SKI: variants seen among roughly 807,000 people sequenced by gnomAD.
SKI encodes SKI proto-oncogene.
In SKI, 23 loss-of-function variants were observed where a neutral mutation model predicts 59.3. The observed-to-expected ratio is 0.39, with a 90% CI of 0.28 to 0.55. The LOEUF (loss-of-function observed/expected upper bound fraction) is 0.55, where lower values mean the gene tolerates loss of function less well. SKI is among the 20% of genes least tolerant of loss of function. SKI has a pLI of 0.67. For synonymous variants in SKI, 673 were observed against 488.6 expected (o/e 1.38, Z -4.98); for missense variants, 1,017 against 1,038.9 (o/e 0.98, Z 0.29).
chr1:2,301,333 A>T (rs1005241147), intron 1 of SKI, among the ~76,000 whole-genome samples: 9 of 152,086 alleles, frequency 5.9e-5, no homozygotes, highest in African/African-American at 1.2e-4. Flanking sequence ...TTTCCTGAAC[A>T]GCTATTTTAG....
At position 2,303,411 on chromosome 1, in the gene SKI, G is replaced by T; in HGVS notation, c.1211+11G>T. The T allele has an allele frequency of 6.3e-7, 1 of 1,595,886 alleles. No individual in the cohort carries two copies. ...CCTCATCCGAGACAGGTGAGTGGGC[G>T]CCATTCACAGGTGTTTCTGATCACG... On this transcript the variant is annotated intron_variant, in intron 3 of 6. Transcript: ENST00000378536. The surrounding 1 kb of genome is among the most constrained non-coding windows in gnomAD (Gnocchi z 5.6).
intron 1 of SKI, among the ~76,000 whole-genome samples, chr1:2,234,169 C>T (rs1425099295): frequency 1.3e-5 from 2 of 152,156 alleles, no homozygotes; most frequent in Non-Finnish European, 1.5e-5. Flanking sequence ...TGAGTCTTCT[C>T]AAGCAGGGGA....
intron 1 of SKI, among the ~76,000 whole-genome samples, chr1:2,280,534 C>T (rs546570658): frequency 2.8e-4 from 43 of 152,238 alleles, no homozygotes; most frequent in South Asian, 1.2e-3. Flanking sequence ...TTCCCTTACC[C>T]GCCACACACC....
chr1:2,296,705 T>C (rs563586275), intron 1 of SKI, among the ~76,000 whole-genome samples: 3 of 152,296 alleles, frequency 2.0e-5, no homozygotes, highest in African/African-American at 7.2e-5. Flanking sequence ...TGGTGTCCTT[T>C]GAAGCACAAA....
At chr1:2,230,203 C>T (rs922328019) in intron 1 of SKI, among the ~76,000 whole-genome samples, 1 of 152,248 alleles carries the variant, frequency 6.6e-6, no homozygotes, top group Non-Finnish European at 1.5e-5. Flanking sequence ...CGGAGGGCTG[C>T]CTGCCTTTGG....
chr1:2,246,436 A>C (rs894005823), intron 1 of SKI, among the ~76,000 whole-genome samples: 2 of 152,050 alleles, frequency 1.3e-5, no homozygotes, highest in African/African-American at 2.4e-5. Context: ...TTCTACTTGT[A>C]AATTTCTGTC....
Position 2,303,185 on chromosome 1 carries a change from A to T in SKI, c.1095+82A>T. On this transcript the variant is annotated intron_variant, in intron 2 of 6. Coordinates refer to ENST00000378536, the MANE Select transcript of SKI (RefSeq NM_003036.4). The surrounding 1 kb of genome is among the most constrained non-coding windows in gnomAD (Gnocchi z 5.6). ...GGCAGACCCAGCGGCTGGCAGCTCC[A>T]CCTGCCCGCTACTGAGGGCTGGCAC... The T allele has an allele frequency of 6.2e-7, 1 of 1,604,176 alleles. No homozygotes were observed. Among genetic ancestry groups the T allele is most frequent in the Non-Finnish European group, 8.5e-7 (1 of 1,173,362 alleles).
intron 1 of SKI, among the ~76,000 whole-genome samples, chr1:2,282,449 T>C (rs1639912074): frequency 9.2e-6 from 1 of 109,104 alleles, no homozygotes; most frequent in African/African-American, 3.5e-5. Context: ...GGCGGAGATC[T>C]TCAGAGAGAG....
rs768068601 is a variant in SKI, at chr1:2,303,929, C to T, written c.1301C>T (p.Pro434Leu). The T allele has an allele frequency of 1.6e-5, 26 of 1,611,684 alleles. No homozygotes were observed. The highest frequency in any genetic ancestry group is 3.3e-4 in the Middle Eastern group (2 of 6,072). The part of the protein sequence containing the change: ...PAQQKVVSSP[P>L]CAAAVSRAPE... ...CAGCAGAAGGTTGTGAGCAGCCCTC[C>T]GTGTGCCGCCGCCGTCTCCCGGGCC... Residue 434 changes from proline to leucine, a missense_variant, in exon 4 of 7, where the codon CCG becomes CTG. Coordinates refer to ENST00000378536, the MANE Select transcript of SKI (RefSeq NM_003036.4). The surrounding 1 kb of genome is among the most constrained non-coding windows in gnomAD (Gnocchi z 5.6).
intron 1 of SKI, among the ~76,000 whole-genome samples, chr1:2,285,920 C>T (rs1640031777): frequency 7.5e-6 from 1 of 133,154 alleles, no homozygotes; most frequent in South Asian, 2.4e-4. Context: ...GTTGCCCAGG[C>T]TGGAGCACAG....
intron 1 of SKI, among the ~76,000 whole-genome samples, chr1:2,285,104 A>T (rs1456350560): frequency 2.0e-5 from 3 of 152,162 alleles, no homozygotes; most frequent in Non-Finnish European, 4.4e-5. Context: ...GATAGGTGTC[A>T]TGCGGCAGTT....
chr1:2,289,375 C>T (rs894186134), intron 1 of SKI, among the ~76,000 whole-genome samples: 4 of 152,114 alleles, frequency 2.6e-5, no homozygotes, highest in African/African-American at 9.7e-5. Context: ...GCCAGCCAGT[C>T]TTCGAGGGCT....
At chr1:2,272,399 A>AGAGCCCTCCACAG (rs967183753) in intron 1 of SKI, among the ~76,000 whole-genome samples, 5 of 152,262 alleles carry the variant, frequency 3.3e-5, no homozygotes, top group Admixed American at 2.0e-4. Flanking sequence ...AAAGAGGGGC[A>AGAGCCCTCCACAG]GAGCCCTCCA....
At chr1:2,284,218 A>G (rs551315284) in intron 1 of SKI, among the ~76,000 whole-genome samples, 62 of 152,054 alleles carry the variant, frequency 4.1e-4, no homozygotes, top group Non-Finnish European at 7.8e-4. Flanking sequence ...TCCCCGTTCC[A>G]CTGGCCGGGG....
At chr1:2,253,677 G>C (rs550943340) in intron 1 of SKI, among the ~76,000 whole-genome samples, 1 of 152,218 alleles carries the variant, frequency 6.6e-6, no homozygotes, top group Non-Finnish European at 1.5e-5. Flanking sequence ...AGCTAGGAAC[G>C]GTGCGAGCAG....
At chr1:2,253,500 G>C (rs1248742188) in intron 1 of SKI, among the ~76,000 whole-genome samples, 1 of 152,216 alleles carries the variant, frequency 6.6e-6, no homozygotes, top group Non-Finnish European at 1.5e-5. Context: ...TGGAGGAATC[G>C]GAAGGAACAG....
intron 1 of SKI, among the ~76,000 whole-genome samples, chr1:2,237,325 G>A (rs1049169384): frequency 3.3e-5 from 5 of 152,336 alleles, no homozygotes; most frequent in Admixed American, 3.3e-4. Context: ...AGTGGCTTAG[G>A]TGCTCCCTGC....
At position 2,237,247 on chromosome 1, in the gene SKI, C is replaced by T. The variant is rs557165640; in HGVS notation, c.969+7512C>T. ...TGAGGGGTGGTGGGAGGGCAGGGAG[C>T]GCCCAGCAGGTGTCCAGCGGTGCTG... is the stretch of plus-strand genomic sequence containing the variant. On this transcript the variant is annotated intron_variant, in intron 1 of 6. Coordinates refer to ENST00000378536, the MANE Select transcript of SKI (RefSeq NM_003036.4). Among the ~76,000 whole-genome samples, 3 of 152,304 alleles carry T rather than the reference C, an allele frequency of 2.0e-5. No homozygotes were observed. The South Asian group carries it at 6.2e-4, about 32-fold the overall frequency.
intron 1 of SKI, among the ~76,000 whole-genome samples, chr1:2,275,533 A>T: frequency 6.6e-6 from 1 of 150,918 alleles, no homozygotes. Context: ...TTTTTTTTTT[A>T]GACGGAGTCT....
Sources: allele counts gnomAD v4.1 joint callset (sites outside exome capture counted in the v4.1 genomes callset), GRCh38; gene constraint gnomAD v4.1.1; non-coding constraint Gnocchi (gnomAD v3.1); transcripts MANE v1.5; gene names NCBI Gene and HGNC (gene_info 2026-07-23, HGNC 2026-07-21).